The following PTPRO variants were observed in gnomAD, a reference collection of about 807,000 sequenced individuals.
PTPRO encodes protein tyrosine phosphatase receptor type O.
A neutral mutation model predicts 145.2 loss-of-function variants in PTPRO; 62 were observed. That is an observed-to-expected ratio of 0.43 (90% CI 0.35 to 0.53). The LOEUF (loss-of-function observed/expected upper bound fraction) is 0.53, where lower values mean the gene tolerates loss of function less well. Ranked by LOEUF, PTPRO falls within the 20% of genes least tolerant of loss-of-function variation. The pLI is 0.01. For missense variants in PTPRO, 1,345 were observed against 1,482.7 expected (o/e 0.91, Z 1.53); for synonymous variants, 565 against 514.7 (o/e 1.10, Z -1.32).
intron 10 of PTPRO, among the ~76,000 whole-genome samples, chr12:15,522,634 AG>A: frequency 6.6e-6 from 1 of 152,316 alleles, no homozygotes; most frequent in African/African-American, 2.4e-5. Flanking sequence ...GTGGTGTAAA[AG>A]AAAATAGGAA....
intron 11 of PTPRO, among the ~76,000 whole-genome samples, chr12:15,525,837 T>C (rs1241033992): frequency 6.6e-6 from 1 of 152,204 alleles, no homozygotes; most frequent in African/African-American, 2.4e-5. Flanking sequence ...AACTCAGTAA[T>C]TGTCTTTTCT....
chr12:15,488,584 A>T (rs1389147060), intron 2 of PTPRO, among the ~76,000 whole-genome samples: 1 of 152,232 alleles, frequency 6.6e-6, no homozygotes, highest in African/African-American at 2.4e-5. Context: ...TTCTCCTGAG[A>T]ATAAAAGAGT....
intron 2 of PTPRO, among the ~76,000 whole-genome samples, chr12:15,486,683 C>T (rs1437116772): frequency 6.6e-6 from 1 of 151,918 alleles, no homozygotes; most frequent in Admixed American, 6.6e-5. Flanking sequence ...AATCAATATA[C>T]ATATTTACAC....
chr12:15,360,695 A>G (rs182931144), intron 1 of PTPRO, among the ~76,000 whole-genome samples: 23 of 151,392 alleles, frequency 1.5e-4, no homozygotes, highest in African/African-American at 4.6e-4. Context: ...TCTTATATTT[A>G]TATGTGTTTA....
rs1555095994 is a variant in PTPRO, at chr12:15,583,496, C to CA, written c.3255+1696dup. 7.3e-5 allele frequency among the ~76,000 whole-genome samples: 11 copies of CA among 149,736 alleles called. No homozygotes were observed. The East Asian group carries it at 1.4e-3, about 19-fold the overall frequency. On this transcript the variant is annotated intron_variant, in intron 23 of 26. Coordinates refer to ENST00000281171, the MANE Select transcript of PTPRO (RefSeq NM_030667.3). ...CTCTATCTCCACACACACACACACA[C>CA]ACAAAAAAAATCAACAAGAAAAATA...
At chr12:15,557,032 G>GTTTTTTTTTTTTTTTT (rs552264784) in intron 15 of PTPRO, among the ~76,000 whole-genome samples, 1 of 139,924 alleles carries the variant, frequency 7.1e-6, no homozygotes, top group Admixed American at 7.1e-5. Flanking sequence ...CTTTTATTTT[G>GTTTTTTTTTTTTTTTT]TTTTTTTTTT....
In PTPRO at chr12:15,413,779, C is replaced by T. The variant is rs535928111; in HGVS notation, c.76-70195C>T. On this transcript the variant is annotated intron_variant, in intron 1 of 26. Transcript: ENST00000281171. The stretch of plus-strand genomic sequence containing the variant: ...GCAGCGAGCCAAGATCGTGCTACGG[C>T]GCTCCAGCCTGGGCAACAGACCAAG... Among the ~76,000 whole-genome samples the T allele has an allele frequency of 3.3e-5, 5 of 152,112 alleles. No homozygotes were observed. The East Asian group carries it at 5.8e-4, about 18-fold the overall frequency.
intron 1 of PTPRO, among the ~76,000 whole-genome samples, chr12:15,356,468 C>A (rs1937991873): frequency 6.6e-6 from 1 of 152,198 alleles, no homozygotes; most frequent in African/African-American, 2.4e-5. Flanking sequence ...ATAGTAATGC[C>A]TATAAATGGA....
At position 15,571,049 on chromosome 12, in the gene PTPRO, C is replaced by T. The variant is rs548455491; in HGVS notation, c.2829+1551C>T. Among the ~76,000 whole-genome samples, 3 of 152,164 alleles carry T rather than the reference C, an allele frequency of 2.0e-5. No individual in the cohort carries two copies. The East Asian group carries it at 5.8e-4, about 29-fold the overall frequency. Reference sequence around the variant, plus strand: ...GGAAAGGGGGTTTATTCAAAGGATACTAAGGTATCTCATACAATCAAAGAA... The same window carrying T: ...GGAAAGGGGGTTTATTCAAAGGATATTAAGGTATCTCATACAATCAAAGAA... On this transcript the variant is annotated intron_variant, in intron 19 of 26. Transcript: ENST00000281171.
chr12:15,549,284 T>C, intron 14 of PTPRO, 58 bp downstream of exon 14: 2 of 1,279,730 alleles, frequency 1.6e-6, no homozygotes, highest in Non-Finnish European at 1.0e-6. Flanking sequence ...TATATATATA[T>C]GTATTTGTAT....
intron 2 of PTPRO, among the ~76,000 whole-genome samples, chr12:15,496,800 C>G (rs117026037): frequency 0.019 from 2,853 of 152,092 alleles, 30 homozygotes; most frequent in Non-Finnish European, 0.03. Flanking sequence ...TGGTCTGAGC[C>G]AAAATTTATT....
intron 25 of PTPRO, among the ~76,000 whole-genome samples, chr12:15,590,571 T>G (rs1011947256): frequency 6.6e-6 from 1 of 152,174 alleles, no homozygotes; most frequent in Non-Finnish European, 1.5e-5. Flanking sequence ...ATGGCGGCCG[T>G]CTCAGCTGTT....
intron 17 of PTPRO, among the ~76,000 whole-genome samples, chr12:15,565,165 G>C (rs765230194): frequency 2.6e-5 from 4 of 152,174 alleles, no homozygotes; most frequent in Non-Finnish European, 5.9e-5. Context: ...TGTTATTTTA[G>C]TCTTTAATTA....
intron 1 of PTPRO, chr12:15,439,988 A>C: frequency 1.5e-6 from 1 of 684,076 alleles, no homozygotes; most frequent in Non-Finnish European, 2.7e-6. Context: ...CGGGGCCATC[A>C]TCCTGGCCAA....
chr12:15,353,972 C>T (rs1304739), intron 1 of PTPRO, among the ~76,000 whole-genome samples: 36,912 of 151,866 alleles, frequency 0.24, 4,654 homozygotes, highest in Non-Finnish European at 0.29. Context: ...TCTGGGCTCA[C>T]TGGTTTTGGC....
At position 15,501,923 on chromosome 12, in the gene PTPRO, A is replaced by G. The variant is rs754822201; in HGVS notation, c.965A>G (p.Glu322Gly). 2 of 1,614,108 alleles carry G rather than the reference A, an allele frequency of 1.2e-6. No individual in the cohort carries two copies. The highest frequency in any genetic ancestry group is 1.3e-5 in the African/African-American group (1 of 75,050). Residue 322 changes from glutamate (E) to glycine (G), a missense_variant, in exon 5 of 27, where the codon GAA becomes GGA. Transcript: ENST00000281171. ...GTCAGCGTACTTCCCATGGAATACGAAAATAACAGTACACTCAGTGAGACA... is the reference window on the plus strand; with the variant it reads ...GTCAGCGTACTTCCCATGGAATACGGAAATAACAGTACACTCAGTGAGACA... ...EFVSVLPMEY[E>G]NNSTLSETEK...
chr12:15,579,359 T>A (rs369463789), intron 20 of PTPRO, among the ~76,000 whole-genome samples: 4 of 152,264 alleles, frequency 2.6e-5, no homozygotes, highest in African/African-American at 7.2e-5. Flanking sequence ...CATTTTGTAA[T>A]AAAAAGCAGC....
chr12:15,502,009 C>T lies in PTPRO; in HGVS notation c.1051C>T (p.Pro351Ser). ...FPVQMILTWL[P>S]PKPPTAFDGF... ...TGTGCAAATGATATTGACCTGGTTA[C>T]CACCCAAACCACCCACTGCTTTTGA... Residue 351 changes from proline (P) to serine (S), a missense_variant, in exon 5 of 27, where the codon CCA becomes TCA. Physicochemically the swap from Pro to Ser is moderately conservative, Grantham distance 74 (BLOSUM62 -1). This residue lies in a region of PTPRO where 1,130 missense variants were observed against 1,214.7 expected (regional missense o/e 0.93). Coordinates refer to ENST00000281171, the MANE Select transcript of PTPRO (RefSeq NM_030667.3). The T allele has an allele frequency of 6.2e-7, 1 of 1,613,894 alleles. No homozygotes were observed. The highest frequency in any genetic ancestry group is 1.3e-5 in the African/African-American group (1 of 75,006).
At chr12:15,574,708 T>A (rs1439698241) in intron 19 of PTPRO, among the ~76,000 whole-genome samples, 1 of 152,198 alleles carries the variant, frequency 6.6e-6, no homozygotes, top group African/African-American at 2.4e-5. Flanking sequence ...TAAACTAGTT[T>A]GAGCTATGTT....
Sources: allele counts gnomAD v4.1 joint callset (sites outside exome capture counted in the v4.1 genomes callset), GRCh38; gene constraint gnomAD v4.1.1; regional missense constraint gnomAD v4.1.1; transcripts MANE v1.5; gene names NCBI Gene and HGNC (gene_info 2026-07-23, HGNC 2026-07-21).